The following EFCAB6 variants were observed in gnomAD, a reference collection of about 807,000 sequenced individuals.
The protein encoded by EFCAB6 is EF-hand calcium-binding domain-containing protein 6.
In EFCAB6, 156 loss-of-function variants were observed where a neutral mutation model predicts 169.8. The ratio of observed to expected loss-of-function variants is 0.92; its 90% CI spans 0.81 to 1.05. The LOEUF (loss-of-function observed/expected upper bound fraction) is 1.05. Among genes scored for constraint, EFCAB6 ranks in the 50% least tolerant of loss-of-function variants. The probability of loss-of-function intolerance (pLI) is 0.00; values close to 1 mark genes in which losing one functional copy is unlikely to be tolerated. For missense variants in EFCAB6, 1,800 were observed against 1,829.1 expected (o/e 0.98, Z 0.29); for synonymous variants, 698 against 676.4 (o/e 1.03, Z -0.50).
At chr22:43,671,132 T>C (rs1260960535) in intron 15 of EFCAB6, among the ~76,000 whole-genome samples, 1 of 152,218 alleles carries the variant, frequency 6.6e-6, no homozygotes, top group Non-Finnish European at 1.5e-5. Context: ...ACCATCTGCA[T>C]GGTTCCTAAT....
intron 27 of EFCAB6, among the ~76,000 whole-genome samples, chr22:43,549,881 G>A (rs916412166): frequency 6.6e-6 from 1 of 152,118 alleles, no homozygotes; most frequent in Admixed American, 6.6e-5. Context: ...AATGTAATCC[G>A]CTATATTGAG....
In EFCAB6 at chr22:43,537,661, AG is replaced by A. The variant is rs893337549; in HGVS notation, c.3880-117del. The stretch of plus-strand genomic sequence containing the variant: ...ACAATTTTAGAGGCAGAATTAGCCC[AG>A]AAATAAAATGAAGAATAAAACATAG... On this transcript the variant is annotated intron_variant, in intron 28 of 31. Transcript: ENST00000262726. The surrounding 1 kb of genome is among the most constrained non-coding windows in gnomAD (Gnocchi z 4.3). The A allele has an allele frequency of 8.3e-7, 1 of 1,209,312 alleles. No homozygotes were observed. The highest frequency in any genetic ancestry group is 1.1e-6 in the Non-Finnish European group (1 of 892,522). The allele number at this position is 1,209,312 out of a possible 1,614,324, so 74.9% of individuals were successfully genotyped here. A position where few individuals can be genotyped will look rare whatever the true frequency, so the allele number is the denominator to read the frequency against.
Position 43,528,940 on chromosome 22 carries a change from T to C in EFCAB6, c.4419A>G (p.Glu1473=), listed in dbSNP as rs1212219969. The change falls in exon 32 of 32, where the codon GAA becomes GAG. Residue 1473 remains glutamate, a synonymous_variant. Transcript: ENST00000262726. ...AATACTCCAGAATATGGAAGAACTC[T>C]TCCTCAGAGAGGTTGATGCTGTACT... ...LRQYSINLSE[E]EFFHILEYYD... is the part of the protein sequence containing the mutation. The C allele has an allele frequency of 6.2e-7, 1 of 1,607,342 alleles. No homozygotes were observed. The highest frequency in any genetic ancestry group is 1.3e-5 in the African/African-American group (1 of 74,822).
chr22:43,807,423 C>T (rs965710465), intron 2 of EFCAB6, among the ~76,000 whole-genome samples: 7 of 152,300 alleles, frequency 4.6e-5, no homozygotes, highest in African/African-American at 1.7e-4. Context: ...CATCAAGTCA[C>T]AGACCATCAA....
In EFCAB6 at chr22:43,653,464, A is replaced by C. The variant is rs116510780; in HGVS notation, c.1983+13640T>G. Among the ~76,000 whole-genome samples the C allele has an allele frequency of 4.1e-3, 618 of 152,320 alleles. 3 individuals carry two copies. The highest frequency in any genetic ancestry group is 0.014 in the Middle Eastern group (4 of 294). On this transcript the variant is annotated intron_variant, in intron 17 of 31. Coordinates refer to ENST00000262726, the MANE Select transcript of EFCAB6 (RefSeq NM_022785.4). The stretch of plus-strand genomic sequence containing the variant: ...AACCTAGAATGTTTTTCCCAGCTAA[A>C]ATATTTTTTAAAATAAGGGTGGACT...
intron 23 of EFCAB6, among the ~76,000 whole-genome samples, chr22:43,593,544 A>T (rs1317193306): frequency 6.6e-6 from 1 of 152,200 alleles, no homozygotes; most frequent in African/African-American, 2.4e-5. Context: ...GATTTATACC[A>T]ATCTTGCACA....
At chr22:43,663,672 G>A (rs868593359) in intron 17 of EFCAB6, among the ~76,000 whole-genome samples, 1 of 152,346 alleles carries the variant, frequency 6.6e-6, no homozygotes. Context: ...CAACATATCA[G>A]TTTGTTATGG....
intron 20 of EFCAB6, among the ~76,000 whole-genome samples, chr22:43,624,894 T>C (rs1569269548): frequency 6.6e-6 from 1 of 152,206 alleles, no homozygotes; most frequent in Non-Finnish European, 1.5e-5. Context: ...AAATTTTCCA[T>C]GTTCGTTCGG....
chr22:43,547,517 A>G (rs958617935), intron 27 of EFCAB6, among the ~76,000 whole-genome samples: 2 of 152,036 alleles, frequency 1.3e-5, no homozygotes, highest in African/African-American at 4.8e-5. Context: ...AGGCAGGTGA[A>G]TCACTTGAGC....
rs770678886 is a variant in EFCAB6, at chr22:43,632,202, T to A, written c.2135A>T (p.Gln712Leu). The A allele has an allele frequency of 1.2e-6, 2 of 1,613,734 alleles. No individual in the cohort carries two copies. The highest frequency in any genetic ancestry group is 3.3e-5 in the Admixed American group (2 of 60,000). ...GTAACTTTTTGAAGGAGTTGGAGGCTGCGGCGGAGTGGTTTCCGGCCCTCT... is the reference window on the plus strand; with the variant it reads ...GTAACTTTTTGAAGGAGTTGGAGGCAGCGGCGGAGTGGTTTCCGGCCCTCT... ...PMRGPETTPP[Q>L]PPTPSKSYVN... Residue 712 changes from glutamine (Q) to leucine (L), a missense_variant, in exon 19 of 32, where the codon CAG becomes CTG. Coordinates refer to ENST00000262726, the MANE Select transcript of EFCAB6 (RefSeq NM_022785.4).
intron 31 of EFCAB6, among the ~76,000 whole-genome samples, chr22:43,530,137 T>G (rs1285870051): frequency 6.6e-6 from 1 of 152,176 alleles, no homozygotes; most frequent in Non-Finnish European, 1.5e-5. Context: ...AAGGTTTCTT[T>G]TGCCACCTTC....
At chr22:43,677,338 C>A in intron 13 of EFCAB6, among the ~76,000 whole-genome samples, 1 of 152,134 alleles carries the variant, frequency 6.6e-6, no homozygotes, top group East Asian at 1.9e-4. Flanking sequence ...TAGTCACTCA[C>A]AAATACTCCT....
intron 30 of EFCAB6, among the ~76,000 whole-genome samples, chr22:43,531,255 G>C (rs1050720824): frequency 1.1e-4 from 16 of 152,152 alleles, no homozygotes; most frequent in African/African-American, 3.9e-4. Context: ...CCACTTCACA[G>C]ATTAGGAAGT....
At position 43,537,083 on chromosome 22, in the gene EFCAB6, A is replaced by C. The variant is rs538414726; in HGVS notation, c.4048+294T>G. The C allele has an allele frequency of 4.4e-4, 119 of 269,916 alleles. No individual in the cohort carries two copies. The highest frequency in any genetic ancestry group is 6.4e-4 in the Non-Finnish European group (92 of 143,446). 16.7% of individuals were successfully genotyped at this position (269,916 alleles called of 1,614,324 possible). A position where few individuals can be genotyped will look rare whatever the true frequency, so the allele number is the denominator to read the frequency against. The stretch of plus-strand genomic sequence containing the variant: ...TTTCCTTCTGCAGTCAGAGTCTGTG[A>C]ACATTCACACTCTGCCCAGGGTGGC... On this transcript the variant is annotated intron_variant, in intron 29 of 31. Transcript: ENST00000262726. This position sits in a 1 kb window ranked among gnomAD's most constrained non-coding sequence, Gnocchi z 4.3.
At chr22:43,808,359 A>G (rs1220040282) in intron 2 of EFCAB6, among the ~76,000 whole-genome samples, 1 of 152,214 alleles carries the variant, frequency 6.6e-6, no homozygotes, top group Non-Finnish European at 1.5e-5. Flanking sequence ...GACCACTGGA[A>G]TATCTCTCCT....
rs2061993296 is a variant in EFCAB6 at position 43,784,640 on chromosome 22, T to TGTATATATAC, written c.-7-2316_-7-2315insGTATATATAC. ...ATATATACACATATATATGTATATG[T>TGTATATATAC]ACACATATATATGTGTATATATACA... On this transcript the variant is annotated intron_variant, in intron 2 of 31. Coordinates refer to ENST00000262726, the MANE Select transcript of EFCAB6 (RefSeq NM_022785.4). Among the ~76,000 whole-genome samples the TGTATATATAC allele has an allele frequency of 1.4e-4, 9 of 62,460 alleles. 2 individuals carry two copies. In the East Asian group the frequency reaches 2.1e-3, roughly 14 times the overall value. The allele number at this position is 62,460 out of a possible 152,430, so 41.0% of individuals were successfully genotyped here. A position where few individuals can be genotyped will look rare whatever the true frequency, so the allele number is the denominator to read the frequency against.
chr22:43,663,641 GT>G (rs775442965), intron 17 of EFCAB6, among the ~76,000 whole-genome samples: 12 of 152,186 alleles, frequency 7.9e-5, no homozygotes, highest in Non-Finnish European at 1.5e-4. Flanking sequence ...CAAATTGATT[GT>G]TACTTTTCAT....
intron 17 of EFCAB6, among the ~76,000 whole-genome samples, chr22:43,660,091 A>C (rs1456905279): frequency 1.3e-5 from 2 of 152,236 alleles, no homozygotes; most frequent in Non-Finnish European, 2.9e-5. Flanking sequence ...AACAATGTCC[A>C]ATGTGTTCAC....
intron 22 of EFCAB6, among the ~76,000 whole-genome samples, chr22:43,605,146 A>G (rs2147586435): frequency 6.6e-6 from 1 of 152,348 alleles, no homozygotes; most frequent in African/African-American, 2.4e-5. Flanking sequence ...CCACCTTTGC[A>G]GAAAGTATGA....
Sources: gnomAD v4.1 joint callset for allele counts (sites outside exome capture counted in the v4.1 genomes callset) on GRCh38, gnomAD v4.1.1 for gene constraint, Gnocchi (gnomAD v3.1) non-coding constraint, MANE v1.5 for transcripts, NCBI Gene and HGNC (gene_info 2026-07-23, HGNC 2026-07-21) for gene names.